MYO1D: variants seen among roughly 807,000 people sequenced by gnomAD.
MYO1D encodes the protein myosin ID.
In MYO1D, 83 loss-of-function variants were observed where a neutral mutation model predicts 122.0. That is an observed-to-expected ratio of 0.68 (90% CI 0.57 to 0.82). MYO1D has a LOEUF of 0.82. MYO1D is among the 40% of genes least tolerant of loss of function. MYO1D has a pLI of 0.00. For synonymous variants in MYO1D, 464 were observed against 446.9 expected, an observed-to-expected ratio of 1.04 and a Z score of -0.48; for missense variants, 1,157 against 1,269.5, an observed-to-expected ratio of 0.91 and a Z score of 1.35.
Position 32,778,527 on chromosome 17 carries a change from C to T in MYO1D, c.351G>A (p.Gln117=). The change falls in exon 3 of 22, where the codon CAG becomes CAA. Residue 117 remains glutamine, a synonymous_variant. Coordinates refer to ENST00000318217, the MANE Select transcript of MYO1D (RefSeq NM_015194.3). ...TGGGGTTGGTGATGGCCGCAATATA[C>T]TGCATAATGTACTTACTGGCTTCCG... ...GKTEASKYIM[Q]YIAAITNPSQ... 6.2e-7 allele frequency: 1 copy of T among 1,614,144 alleles called. No homozygotes were observed. Among genetic ancestry groups the T allele is most frequent in the Middle Eastern group, 1.6e-4 (1 of 6,062 alleles).
intron 15 of MYO1D, among the ~76,000 whole-genome samples, chr17:32,713,666 G>A (rs1262086065): frequency 6.6e-6 from 1 of 152,012 alleles, no homozygotes; most frequent in Non-Finnish European, 1.5e-5. Flanking sequence ...ACAGAGTCTC[G>A]CTCTATCTAT....
chr17:32,639,606 G>A (rs1188622315), intron 19 of MYO1D, among the ~76,000 whole-genome samples: 1 of 152,032 alleles, frequency 6.6e-6, no homozygotes, highest in African/African-American at 2.4e-5. Flanking sequence ...CTCAAGCAGT[G>A]ACTCAGTGCA....
At chr17:32,750,184 T>C (rs187253761) in intron 11 of MYO1D, among the ~76,000 whole-genome samples, 78 of 152,348 alleles carry the variant, frequency 5.1e-4, no homozygotes, top group Non-Finnish European at 4.7e-4. Flanking sequence ...GCAGTTTTTA[T>C]ATGGCTGTGG....
chr17:32,765,733 C>T (rs531004454), intron 7 of MYO1D, among the ~76,000 whole-genome samples: 18 of 152,330 alleles, frequency 1.2e-4, no homozygotes, highest in African/African-American at 4.3e-4. Flanking sequence ...GCTGGGATTA[C>T]AGGCGTGAGC....
chr17:32,517,025 T>TA (rs146035284), intron 21 of MYO1D, among the ~76,000 whole-genome samples: 5,807 of 152,016 alleles, frequency 0.038, 356 homozygotes, highest in African/African-American at 0.13. Flanking sequence ...AACAATTCAA[T>TA]AAAAACGACA....
At chr17:32,756,032 G>A (rs1425455874) in intron 10 of MYO1D, among the ~76,000 whole-genome samples, 1 of 151,788 alleles carries the variant, frequency 6.6e-6, no homozygotes, top group Non-Finnish European at 1.5e-5. Flanking sequence ...TTCCACAAAG[G>A]GCCAACAAAT....
At chr17:32,591,106 C>A (rs958599652) in intron 21 of MYO1D, among the ~76,000 whole-genome samples, 2 of 152,222 alleles carry the variant, frequency 1.3e-5, no homozygotes, top group Non-Finnish European at 2.9e-5. Flanking sequence ...CCCTGCACAA[C>A]CTCTTGGTGA....
chr17:32,674,034 C>T (rs753875634), intron 16 of MYO1D, among the ~76,000 whole-genome samples: 5 of 152,162 alleles, frequency 3.3e-5, no homozygotes, highest in Non-Finnish European at 5.9e-5. Context: ...ATGACTAATT[C>T]CTTAAAAGTA....
At position 32,672,082 on chromosome 17, in the gene MYO1D, G is replaced by A. The variant is rs79652838; in HGVS notation, c.2122-12744C>T. The stretch of plus-strand genomic sequence containing the variant: ...TATTTGGCAGATTGGAGGAAGGGAA[G>A]GGAGTGAGTGCCAGTCATGTGCTGG... On this transcript the variant is annotated intron_variant, in intron 16 of 21. Coordinates refer to ENST00000318217, the MANE Select transcript of MYO1D (RefSeq NM_015194.3). Among the ~76,000 whole-genome samples the A allele has an allele frequency of 8.4e-3, 1,273 of 152,316 alleles. 12 individuals are homozygous for A. The highest frequency in any genetic ancestry group is 0.029 in the African/African-American group (1,207 of 41,554).
chr17:32,733,391 T>A (rs768367734), intron 14 of MYO1D, among the ~76,000 whole-genome samples: 4 of 152,222 alleles, frequency 2.6e-5, no homozygotes, highest in Non-Finnish European at 5.9e-5. Flanking sequence ...TGAGGCTTTT[T>A]CAAGCTACCC....
At chr17:32,539,275 CTACA>C (rs1910761982) in intron 21 of MYO1D, among the ~76,000 whole-genome samples, 1 of 114,902 alleles carries the variant, frequency 8.7e-6, no homozygotes, top group Non-Finnish European at 1.8e-5. Flanking sequence ...GACCCTGTCT[CTACA>C]CACACACACA....
chr17:32,668,098 G>A (rs2150958816), intron 16 of MYO1D, among the ~76,000 whole-genome samples: 1 of 152,308 alleles, frequency 6.6e-6, no homozygotes, highest in African/African-American at 2.4e-5. Context: ...GAAAGTGACT[G>A]CTTTCTTTTG....
At chr17:32,839,247 C>T (rs1205240950) in intron 1 of MYO1D, among the ~76,000 whole-genome samples, 1 of 152,112 alleles carries the variant, frequency 6.6e-6, no homozygotes, top group Non-Finnish European at 1.5e-5. Context: ...TTTGTTAATT[C>T]AGTGTTAAAC....
intron 16 of MYO1D, among the ~76,000 whole-genome samples, chr17:32,672,890 G>A (rs935049104): frequency 3.9e-5 from 6 of 152,036 alleles, no homozygotes; most frequent in African/African-American, 1.4e-4. Flanking sequence ...TGTGGCCACT[G>A]AGAGGAAGTG....
At chr17:32,670,791 C>A (rs866275770) in intron 16 of MYO1D, among the ~76,000 whole-genome samples, 1 of 152,172 alleles carries the variant, frequency 6.6e-6, no homozygotes, top group Non-Finnish European at 1.5e-5. Flanking sequence ...CAGACTCAGC[C>A]ACACTGGAGC....
intron 15 of MYO1D, among the ~76,000 whole-genome samples, chr17:32,714,658 T>C (rs543620629): frequency 7.9e-5 from 12 of 152,188 alleles, no homozygotes; most frequent in African/African-American, 2.2e-4. Context: ...TTATACCTTA[T>C]ACAAAAACTA....
At position 32,541,354 on chromosome 17, in the gene MYO1D, C is replaced by A. The variant is rs114788476; in HGVS notation, c.2865-46439G>T. Among the ~76,000 whole-genome samples, 224 of 152,238 alleles carry A rather than the reference C, an allele frequency of 1.5e-3. 1 individual carries two copies. The highest frequency in any genetic ancestry group is 4.5e-3 in the African/African-American group (188 of 41,532). ...CACAAAGGACCACATATTATATAATCCTGTTGATATGAAATGTCCAGTGTA... is the reference window on the plus strand; with the variant it reads ...CACAAAGGACCACATATTATATAATACTGTTGATATGAAATGTCCAGTGTA... On this transcript the variant is annotated intron_variant, in intron 21 of 21. Transcript: ENST00000318217.
At position 32,712,121 on chromosome 17, in the gene MYO1D, ATTAG is replaced by A; in HGVS notation, c.1984_1987del (p.Ile663AsnfsTer9). On this transcript the variant is annotated frameshift_variant, in exon 16 of 22. Transcript: ENST00000318217. LOFTEE classifies it high-confidence loss of function. ...ATCATCCTGAAAACCACACCGTTCA[ATTAG>A]TTTCTTGACAGCCTCTTTGTCTGAA... 6.2e-7 allele frequency: 1 copy of A among 1,614,184 alleles called. No homozygotes were observed. The highest frequency in any genetic ancestry group is 2.2e-5 in the East Asian group (1 of 44,874).
chr17:32,510,203 C>T (rs1909642748), intron 21 of MYO1D: 1 of 152,214 alleles, frequency 6.6e-6, no homozygotes, highest in Non-Finnish European at 1.5e-5. Flanking sequence ...TTAGTTTCCA[C>T]CCTAAAATGC....
Sources: allele counts gnomAD v4.1 joint callset (sites outside exome capture counted in the v4.1 genomes callset), GRCh38; gene constraint gnomAD v4.1.1; transcripts MANE v1.5; gene names NCBI Gene and HGNC (gene_info 2026-07-23, HGNC 2026-07-21).